Variants in TMEM64 observed in about 807,000 individuals in gnomAD.
TMEM64 encodes the protein transmembrane protein 64.
A neutral mutation model predicts 24.5 loss-of-function variants in TMEM64; 19 were observed. That is an observed-to-expected ratio of 0.78 (90% CI 0.54 to 1.14). The LOEUF is 1.14. Ranked by LOEUF, TMEM64 falls within the 50% of genes most tolerant of loss-of-function variation. TMEM64 has a pLI of 0.00. For missense variants in TMEM64, 487 were observed against 493.0 expected (o/e 0.99, Z 0.12); for synonymous variants, 262 against 224.7 (o/e 1.17, Z -1.49).
chr8:90,639,658 T>C (rs753578753), intron 1 of TMEM64, among the ~76,000 whole-genome samples: 2 of 152,168 alleles, frequency 1.3e-5, no homozygotes, highest in Non-Finnish European at 2.9e-5. Context: ...AAGATGTTCA[T>C]TACTTCAAGT....
intron 2 of TMEM64, 150 bp downstream of exon 2, chr8:90,631,402 T>A: frequency 1.7e-6 from 1 of 571,898 alleles, no homozygotes. Flanking sequence ...TTTAATGTTG[T>A]CAAAATATGT....
At chr8:90,626,140 T>C (rs770818652) in intron 2 of TMEM64, among the ~76,000 whole-genome samples, 9 of 152,188 alleles carry the variant, frequency 5.9e-5, no homozygotes, top group Non-Finnish European at 1.0e-4. Context: ...GCCAAACCTG[T>C]CTCTTTGTAC....
intron 1 of TMEM64, among the ~76,000 whole-genome samples, chr8:90,643,253 A>C (rs999283301): frequency 6.6e-6 from 1 of 152,198 alleles, no homozygotes; most frequent in Admixed American, 6.5e-5. Flanking sequence ...TACCTTGGTG[A>C]CCTTGGGTCA....
At chr8:90,631,528 G>C (rs764667322) in intron 2 of TMEM64, 24 bp downstream of exon 2, 5 of 1,477,400 alleles carry the variant, frequency 3.4e-6, no homozygotes, top group Admixed American at 1.9e-5. Context: ...GAAAAAAAGA[G>C]ACAACCCTTG....
intron 1 of TMEM64, among the ~76,000 whole-genome samples, chr8:90,643,998 A>C (rs1249964215): frequency 6.6e-6 from 1 of 152,244 alleles, no homozygotes; most frequent in Non-Finnish European, 1.5e-5. Flanking sequence ...CTAATTCAAA[A>C]CAAAATGAGA....
At chr8:90,632,772 GCT>G (rs1430034470) in intron 1 of TMEM64, among the ~76,000 whole-genome samples, 2 of 152,130 alleles carry the variant, frequency 1.3e-5, no homozygotes, top group Non-Finnish European at 2.9e-5. Context: ...AGCTTAGATG[GCT>G]GTTGTTAGGA....
chr8:90,631,504 A>G, intron 2 of TMEM64, 48 bp downstream of exon 2: 11 of 1,435,484 alleles, frequency 7.7e-6, no homozygotes, highest in Non-Finnish European at 8.4e-6. Context: ...ATGCCATACA[A>G]AAAGAAACAG....
intron 2 of TMEM64, among the ~76,000 whole-genome samples, chr8:90,629,027 T>A (rs773618737): frequency 2.6e-5 from 4 of 152,216 alleles, no homozygotes; most frequent in African/African-American, 9.6e-5. Flanking sequence ...AGAGGCAAAT[T>A]TGTGGCTCGT....
chr8:90,623,138 C>T lies in TMEM64; in HGVS notation c.*2533G>A, dbSNP rs1189783146. 2 of 152,048 alleles carry T rather than the reference C, an allele frequency of 1.3e-5. No homozygotes were observed. The highest frequency in any genetic ancestry group is 2.9e-5 in the Non-Finnish European group (2 of 67,984). The allele number at this position is 152,048 out of a possible 1,614,324, so 9.4% of individuals were successfully genotyped here. A position where few individuals can be genotyped will look rare whatever the true frequency, so the allele number is the denominator to read the frequency against. Reference sequence around the variant, plus strand: ...AAGAATTAAAAAAGAACACATATTTCATAGGATTCAGAAATTATATATCAT... The same window carrying T: ...AAGAATTAAAAAAGAACACATATTTTATAGGATTCAGAAATTATATATCAT... On this transcript the variant is annotated 3_prime_UTR_variant, in exon 3 of 3. Coordinates refer to ENST00000458549, the MANE Select transcript of TMEM64 (RefSeq NM_001008495.4).
At chr8:90,629,867 G>T (rs962321799) in intron 2 of TMEM64, among the ~76,000 whole-genome samples, 6 of 152,012 alleles carry the variant, frequency 3.9e-5, no homozygotes, top group Non-Finnish European at 7.4e-5. Context: ...AATATTCATG[G>T]TTTTACTTTA....
chr8:90,633,130 T>C (rs1158747928), intron 1 of TMEM64, among the ~76,000 whole-genome samples: 1 of 152,162 alleles, frequency 6.6e-6, no homozygotes, highest in East Asian at 1.9e-4. Context: ...TGCTTACTTC[T>C]AGCAAACAGG....
chr8:90,626,337 G>C (rs1275089341), intron 2 of TMEM64, among the ~76,000 whole-genome samples: 1 of 152,114 alleles, frequency 6.6e-6, no homozygotes, highest in Admixed American at 6.6e-5. Context: ...AAAATTAAAA[G>C]TATTACAGAC....
chr8:90,627,941 G>C (rs1809382464), intron 2 of TMEM64, among the ~76,000 whole-genome samples: 1 of 152,148 alleles, frequency 6.6e-6, no homozygotes, highest in Non-Finnish European at 1.5e-5. Flanking sequence ...CAAGCTTACT[G>C]ACAGCCCTAA....
rs533036771 is a variant in TMEM64, at chr8:90,632,330, T to C, written c.796-623A>G. On this transcript the variant is annotated intron_variant, in intron 1 of 2. Transcript: ENST00000458549. ...CCGCTACTTTTTGTTGTTGTTGTTG[T>C]TGTTGTTTTTGAGACAGAGTCTTGC... is the stretch of plus-strand genomic sequence containing the variant. Among the ~76,000 whole-genome samples, 5 of 152,008 alleles carry C rather than the reference T, an allele frequency of 3.3e-5. No homozygotes were observed. In the East Asian group the frequency reaches 7.8e-4, roughly 24 times the overall value.
rs1809680934 is a variant in TMEM64, at chr8:90,645,506, AG to A, written c.399del (p.Phe134SerfsTer64). The A allele has an allele frequency of 1.9e-6, 3 of 1,550,556 alleles. No individual in the cohort carries two copies. Among genetic ancestry groups the A allele is most frequent in the Admixed American group, 2.0e-5 (1 of 50,986 alleles). On this transcript the variant is annotated frameshift_variant, in exon 1 of 3. Coordinates refer to ENST00000458549, the MANE Select transcript of TMEM64 (RefSeq NM_001008495.4). LOFTEE classifies it high-confidence loss of function. The surrounding 1 kb of genome is among the most constrained non-coding windows in gnomAD (Gnocchi z 4.2). The part of the protein sequence containing the change: ...LVLVCVLAAL[C>X]FASLALVRRY... ...CGGCGGACCAGGGCCAGGGAAGCGAAGCACAGGGCGGCCAACACGCAGACCA... is the reference window on the plus strand; with the variant it reads ...CGGCGGACCAGGGCCAGGGAAGCGAACACAGGGCGGCCAACACGCAGACCA...
At chr8:90,626,700 G>C (rs1242429671) in intron 2 of TMEM64, among the ~76,000 whole-genome samples, 1 of 148,150 alleles carries the variant, frequency 6.7e-6, no homozygotes, top group African/African-American at 2.5e-5. Context: ...GCACAATCTC[G>C]GCTCACTGCA....
intron 2 of TMEM64, among the ~76,000 whole-genome samples, chr8:90,626,529 TCTTAG>T (rs1809362176): frequency 6.6e-6 from 1 of 152,284 alleles, no homozygotes; most frequent in South Asian, 2.1e-4. Context: ...AGGTTTCTAG[TCTTAG>T]CTTAGCTATT....
At position 90,645,955 on chromosome 8, in the gene TMEM64, C is replaced by T; in HGVS notation, c.-50G>A. 1 of 1,044,118 alleles carries T rather than the reference C, an allele frequency of 9.6e-7. No homozygotes were observed. The highest frequency in any genetic ancestry group is 1.2e-6 in the Non-Finnish European group (1 of 849,226). 64.7% of individuals were successfully genotyped at this position (1,044,118 alleles called of 1,614,324 possible). On this transcript the variant is annotated 5_prime_UTR_variant, in exon 1 of 3. Coordinates refer to ENST00000458549, the MANE Select transcript of TMEM64 (RefSeq NM_001008495.4). The surrounding 1 kb of genome is among the most constrained non-coding windows in gnomAD (Gnocchi z 4.2). ...GCCGGCCAGCCCCTCCGCCGCGGCG[C>T]CCGTTAGGCAGCTGCCCTTCATGGC...
At chr8:90,631,922 T>TATA (rs1206266212) in intron 1 of TMEM64, among the ~76,000 whole-genome samples, 8 of 152,260 alleles carry the variant, frequency 5.3e-5, no homozygotes, top group Admixed American at 5.2e-4. Flanking sequence ...AATATTCTAT[T>TATA]ATACTACCAT....
Sources: allele counts gnomAD v4.1 joint callset (sites outside exome capture counted in the v4.1 genomes callset), GRCh38; gene constraint gnomAD v4.1.1; non-coding constraint Gnocchi (gnomAD v3.1); transcripts MANE v1.5; gene names NCBI Gene and HGNC (gene_info 2026-07-23, HGNC 2026-07-21).